The following BRD10 variants were observed in gnomAD, a reference collection of about 807,000 sequenced individuals.
BRD10 encodes uncharacterized bromodomain-containing protein 10.
chr9:5,943,099 G>A, the BRD10 span, among the ~76,000 whole-genome samples: 2 of 151,956 alleles, frequency 1.3e-5, no homozygotes, highest in Non-Finnish European at 2.9e-5. Flanking sequence ...TTGGTCTCGA[G>A]CTCCTGGGCT....
chr9:5,958,245 T>C, the BRD10 span, among the ~76,000 whole-genome samples: 1 of 152,116 alleles, frequency 6.6e-6, no homozygotes, highest in African/African-American at 2.4e-5. Context: ...AGAGGGAAAA[T>C]TATAACTAAA....
chr9:5,958,793 C>A, the BRD10 span, among the ~76,000 whole-genome samples: 1 of 152,112 alleles, frequency 6.6e-6, no homozygotes, highest in South Asian at 2.1e-4. Flanking sequence ...ATCATTGTTG[C>A]AAGTAAAAAC....
chr9:5,985,572 G>A, the BRD10 span, among the ~76,000 whole-genome samples: 1 of 152,196 alleles, frequency 6.6e-6, no homozygotes, highest in Admixed American at 6.5e-5. Context: ...GATCACCTGA[G>A]GTTGGGAGTT....
chr9:5,890,326 T>C, the BRD10 span, among the ~76,000 whole-genome samples: 1 of 152,212 alleles, frequency 6.6e-6, no homozygotes, highest in African/African-American at 2.4e-5. Context: ...CCATAGAATA[T>C]GTGGACATAT....
At chr9:6,008,131 C>T in the BRD10 span, 1 of 984,208 alleles carries the variant, frequency 1.0e-6, no homozygotes, top group African/African-American at 1.8e-5. Flanking sequence ...GCCGGGTCGC[C>T]GCGGCCTCGG....
chr9:5,892,762 T>C, the BRD10 span, among the ~76,000 whole-genome samples: 1 of 152,200 alleles, frequency 6.6e-6, no homozygotes, highest in Admixed American at 6.5e-5. Context: ...AAGATGGGAA[T>C]GGTATAAGGT....
At chr9:5,931,062 ACT>A in the BRD10 span, among the ~76,000 whole-genome samples, 1 of 152,184 alleles carries the variant, frequency 6.6e-6, no homozygotes, top group African/African-American at 2.4e-5. Flanking sequence ...GGGAGACTAT[ACT>A]CTTTGTGGCA....
chr9:5,954,353 TA>T, the BRD10 span, among the ~76,000 whole-genome samples: 2 of 152,196 alleles, frequency 1.3e-5, no homozygotes, highest in Non-Finnish European at 2.9e-5. Flanking sequence ...TGTTATACGG[TA>T]GAATCTACTG....
At chr9:6,006,152 A>C in the BRD10 span, among the ~76,000 whole-genome samples, 1 of 152,234 alleles carries the variant, frequency 6.6e-6, no homozygotes, top group Non-Finnish European at 1.5e-5. Context: ...TACTACTTAC[A>C]TTAAAATGGC....
At chr9:5,983,962 TACACACACACACACACACACACACACAC>T in the BRD10 span, among the ~76,000 whole-genome samples, 1 of 129,638 alleles carries the variant, frequency 7.7e-6, no homozygotes, top group African/African-American at 2.9e-5. Context: ...GTATATGCAT[TACACACACACACACACACACACACACAC>T]ACACACACAC....
At chr9:5,927,413 C>T in the BRD10 span, among the ~76,000 whole-genome samples, 1 of 152,166 alleles carries the variant, frequency 6.6e-6, no homozygotes, top group African/African-American at 2.4e-5. Flanking sequence ...ACATGTTATT[C>T]TATCACACAA....
At chr9:6,005,644 A>C in the BRD10 span, among the ~76,000 whole-genome samples, 5 of 152,354 alleles carry the variant, frequency 3.3e-5, no homozygotes, top group South Asian at 1.0e-3. Flanking sequence ...CATCTGATAG[A>C]TTAGATGAAC....
At chr9:5,887,350 G>A in the BRD10 span, among the ~76,000 whole-genome samples, 2 of 152,178 alleles carry the variant, frequency 1.3e-5, no homozygotes, top group African/African-American at 4.8e-5. Context: ...TGGTCCTGTA[G>A]CATCCTCTGG....
At chr9:5,994,563 T>C in the BRD10 span, among the ~76,000 whole-genome samples, 1 of 152,236 alleles carries the variant, frequency 6.6e-6, no homozygotes, top group Admixed American at 6.5e-5. Context: ...TCCAGTCCCT[T>C]GTCTGACTCT....
chr9:5,887,585 A>C, the BRD10 span, among the ~76,000 whole-genome samples: 25 of 152,338 alleles, frequency 1.6e-4, no homozygotes, highest in Non-Finnish European at 2.8e-4. Context: ...TTTTCAGCTC[A>C]GAACTGCATC....
chr9:5,953,027 A>C, the BRD10 span, among the ~76,000 whole-genome samples: 1 of 152,168 alleles, frequency 6.6e-6, no homozygotes, highest in East Asian at 1.9e-4. Context: ...TTAACTGTTG[A>C]TTTAAAAATG....
chr9:5,893,164 A>T, the BRD10 span, among the ~76,000 whole-genome samples: 1 of 152,236 alleles, frequency 6.6e-6, no homozygotes, highest in African/African-American at 2.4e-5. Flanking sequence ...AAAAACTCAC[A>T]ACTTAGTGGG....
the BRD10 span, among the ~76,000 whole-genome samples, chr9:6,000,486 T>C: frequency 2.0e-5 from 3 of 152,310 alleles, no homozygotes; most frequent in South Asian, 6.2e-4. Flanking sequence ...CTCTCCAAGA[T>C]ATGATTTTTC....
the BRD10 span, among the ~76,000 whole-genome samples, chr9:5,979,228 C>A: frequency 6.6e-6 from 1 of 152,164 alleles, no homozygotes; most frequent in South Asian, 2.1e-4. Context: ...ACAAAATACA[C>A]ACTGGCTGGG....
Sources: gnomAD v4.1 joint callset for allele counts (sites outside exome capture counted in the v4.1 genomes callset) on GRCh38, gnomAD v4.1.1 for gene constraint, MANE v1.5 for transcripts, NCBI Gene and HGNC (gene_info 2026-07-23, HGNC 2026-07-21) for gene names.